Variants in CDH5 observed in about 807,000 individuals in gnomAD.
The protein encoded by CDH5 is cadherin-5.
In CDH5, 28 loss-of-function variants were observed where a neutral mutation model predicts 62.0. The ratio of observed to expected loss-of-function variants is 0.45; its 90% CI spans 0.33 to 0.62. The LOEUF is 0.62. Ranked by LOEUF, CDH5 falls within the 20% of genes least tolerant of loss-of-function variation. CDH5 has a pLI of 0.02. For synonymous variants in CDH5, 464 were observed against 445.8 expected, an observed-to-expected ratio of 1.04 and a Z score of -0.52; for missense variants, 940 against 1,065.1, an observed-to-expected ratio of 0.88 and a Z score of 1.63.
At chr16:66,401,215 G>C (rs1826814756) in intron 11 of CDH5, among the ~76,000 whole-genome samples, 199 bp downstream of exon 11, 1 of 152,176 alleles carries the variant, frequency 6.6e-6, no homozygotes. Flanking sequence ...CTCACGGTGG[G>C]GGATGAGCCA....
rs1418984780 is a variant in CDH5 at position 66,403,035 on chromosome 16, G to A, written c.2221G>A (p.Glu741Lys). ...CTACGAGGGCTCCGAGTCCATAGCC[G>A]AGTCCCTCAGCTCCCTGGGCACCGA... ...YGYEGSESIA[E>K]SLSSLGTDSS... is the part of the protein sequence containing the mutation. The change falls in exon 12 of 12, where the codon GAG becomes AAG. Residue 741 changes from glutamate (E) to lysine (K), a missense_variant. By Grantham distance (56) the Glu-to-Lys change is moderately conservative. Coordinates refer to ENST00000341529, the MANE Select transcript of CDH5 (RefSeq NM_001795.5). This position sits in a 1 kb window ranked among gnomAD's most constrained non-coding sequence, Gnocchi z 4.3. 3.1e-6 allele frequency: 5 copies of A among 1,613,202 alleles called. No homozygotes were observed. The highest frequency in any genetic ancestry group is 2.7e-5 in the African/African-American group (2 of 74,900).
intron 3 of CDH5, among the ~76,000 whole-genome samples, chr16:66,387,450 C>G (rs1375384658): frequency 6.6e-6 from 1 of 152,192 alleles, no homozygotes; most frequent in African/African-American, 2.4e-5. Context: ...TGATCCTGAT[C>G]GTGGACTGAG....
chr16:66,385,142 A>T (rs955080154), intron 2 of CDH5, among the ~76,000 whole-genome samples: 9 of 152,268 alleles, frequency 5.9e-5, no homozygotes, highest in African/African-American at 1.9e-4. Context: ...TATTTTGGGG[A>T]CATACTAACC....
In CDH5 at chr16:66,375,111, G is replaced by A. The variant is rs192713298; in HGVS notation, c.-19-4208G>A. 1.2e-3 allele frequency among the ~76,000 whole-genome samples: 186 copies of A among 152,236 alleles called. 2 individuals carry two copies. Among genetic ancestry groups the A allele is most frequent in the African/African-American group, 4.3e-3 (177 of 41,528 alleles). On this transcript the variant is annotated intron_variant, in intron 1 of 11. Transcript: ENST00000341529. ...AGCCTGCCGCACACCTAGGCTGTAC[G>A]GTACAGTCTATTGCTCTTAGGCTCC...
chr16:66,371,513 A>G (rs1186415042), intron 1 of CDH5, among the ~76,000 whole-genome samples: 1 of 152,018 alleles, frequency 6.6e-6, no homozygotes, highest in Non-Finnish European at 1.5e-5. Flanking sequence ...TGCAAAGAGG[A>G]GCCCTGCAGG....
chr16:66,379,626 T>A lies in CDH5; in HGVS notation c.210+79T>A, dbSNP rs184588400. The A allele has an allele frequency of 8.0e-4, 974 of 1,218,476 alleles. 2 individuals are homozygous for A. The highest frequency in any genetic ancestry group is 1.0e-3 in the Non-Finnish European group (860 of 832,688). The allele number at this position is 1,218,476 out of a possible 1,614,324, so 75.5% of individuals were successfully genotyped here. On this transcript the variant is annotated intron_variant, in intron 2 of 11. Coordinates refer to ENST00000341529, the MANE Select transcript of CDH5 (RefSeq NM_001795.5). ...CAAGTGGTGGTGGTGATGGCGATGG[T>A]GGCAAAGGTGGTAATAGATATTGTG...
chr16:66,372,141 A>T (rs554752316), intron 1 of CDH5, among the ~76,000 whole-genome samples: 2 of 152,322 alleles, frequency 1.3e-5, no homozygotes, highest in Admixed American at 1.3e-4. Context: ...CCTCAGACCC[A>T]TCAGGGCCCT....
intron 7 of CDH5, among the ~76,000 whole-genome samples, chr16:66,393,488 C>T (rs1961124316): frequency 6.6e-6 from 1 of 152,188 alleles, no homozygotes; most frequent in African/African-American, 2.4e-5. Flanking sequence ...AGTTGTTACA[C>T]ACTTTTCAAC....
intron 10 of CDH5, among the ~76,000 whole-genome samples, chr16:66,399,030 G>A (rs1961238198): frequency 6.6e-6 from 1 of 152,194 alleles, no homozygotes; most frequent in African/African-American, 2.4e-5. Flanking sequence ...ACTAGCCAAG[G>A]AGTCCCCTCC....
intron 1 of CDH5, among the ~76,000 whole-genome samples, chr16:66,368,211 G>T (rs1960622834): frequency 6.6e-6 from 1 of 152,124 alleles, no homozygotes; most frequent in Non-Finnish European, 1.5e-5. Flanking sequence ...AGGCTCTTTT[G>T]CCACAGGCCA....
At chr16:66,382,226 A>T (rs1403267243) in intron 2 of CDH5, among the ~76,000 whole-genome samples, 4 of 152,206 alleles carry the variant, frequency 2.6e-5, no homozygotes, top group Non-Finnish European at 4.4e-5. Context: ...GTAGCATCTG[A>T]CAAAATTGGA....
In CDH5 at chr16:66,389,382, G is replaced by A; in HGVS notation, c.641G>A (p.Ser214Asn). 6.2e-7 allele frequency: 1 copy of A among 1,613,036 alleles called. No homozygotes were observed. Among genetic ancestry groups the A allele is most frequent in the Non-Finnish European group, 8.5e-7 (1 of 1,179,388 alleles). The part of the protein sequence containing the change: ...NSGRIITITK[S>N]LDREKQARYE... ...GGACGTATTATCACAATAACGAAAA[G>A]CTTGGACCGAGAGAAGCAGGCCAGG... is the stretch of plus-strand genomic sequence containing the variant. Residue 214 changes from serine to asparagine, a missense_variant, in exon 5 of 12, where the codon AGC (serine) becomes AAC (asparagine). Ser to Asn is a conservative substitution (Grantham distance 46). Transcript: ENST00000341529.
At chr16:66,401,173 G>C (rs1961275592) in intron 11 of CDH5, among the ~76,000 whole-genome samples, 157 bp downstream of exon 11, 1 of 152,202 alleles carries the variant, frequency 6.6e-6, no homozygotes, top group South Asian at 2.1e-4. Flanking sequence ...TCATGTGCAG[G>C]ATGCAGGATG....
chr16:66,385,923 C>T (rs375093882), intron 2 of CDH5, among the ~76,000 whole-genome samples: 12 of 152,316 alleles, frequency 7.9e-5, no homozygotes, highest in East Asian at 3.9e-4. Context: ...TACAATCCAG[C>T]GCCAGCACAC....
intron 9 of CDH5, among the ~76,000 whole-genome samples, 160 bp from the exon 10 acceptor site, chr16:66,398,296 G>A (rs1027757956): frequency 2.6e-5 from 4 of 152,154 alleles, no homozygotes; most frequent in Admixed American, 2.6e-4. Flanking sequence ...GCGGGGCAGG[G>A]AAGTAGAAAG....
intron 1 of CDH5, chr16:66,377,809 G>C (rs1960812152): frequency 6.6e-6 from 1 of 152,178 alleles, no homozygotes. Flanking sequence ...GTCACAGCCT[G>C]CACTCCTCGT....
At chr16:66,378,753 G>A (rs76111043) in intron 1 of CDH5, among the ~76,000 whole-genome samples, 6,318 of 152,250 alleles carry the variant, frequency 0.041, 180 homozygotes, top group Non-Finnish European at 0.063. Flanking sequence ...CATGTGACTC[G>A]CAAGTAGAAA....
At chr16:66,393,584 C>G (rs1961126060) in intron 7 of CDH5, among the ~76,000 whole-genome samples, 1 of 152,202 alleles carries the variant, frequency 6.6e-6, no homozygotes, top group African/African-American at 2.4e-5. Context: ...GTCCCATGGT[C>G]TATCCACCTC....
intron 1 of CDH5, among the ~76,000 whole-genome samples, chr16:66,373,312 A>G (rs1342838951): frequency 6.6e-6 from 1 of 152,218 alleles, no homozygotes; most frequent in Non-Finnish European, 1.5e-5. Context: ...CTGTGGCTGC[A>G]GTAGATCTGA....
Sources: allele counts gnomAD v4.1 joint callset (sites outside exome capture counted in the v4.1 genomes callset), GRCh38; gene constraint gnomAD v4.1.1; non-coding constraint Gnocchi (gnomAD v3.1); transcripts MANE v1.5; gene names NCBI Gene and HGNC (gene_info 2026-07-23, HGNC 2026-07-21).